The following TP53BP1 variants were observed in gnomAD, a reference collection of about 807,000 sequenced individuals.
TP53BP1 encodes TP53-binding protein 1.
Under a neutral mutation model 200.8 loss-of-function variants are expected in TP53BP1, and 61 were observed. The observed-to-expected ratio is 0.30, with a 90% CI of 0.25 to 0.38. TP53BP1 has a LOEUF of 0.38. TP53BP1 is among the 10% of genes least tolerant of loss of function. The probability of loss-of-function intolerance (pLI) is 1.00; values close to 1 mark genes in which losing one functional copy is unlikely to be tolerated. For missense variants in TP53BP1, 2,144 were observed against 2,371.9 expected (o/e 0.90, Z 2.00); for synonymous variants, 822 against 844.3 (o/e 0.97, Z 0.46).
Position 43,456,235 on chromosome 15 carries a change from T to C in TP53BP1, c.2373A>G (p.Ser791=). The C allele has an allele frequency of 6.2e-7, 1 of 1,614,192 alleles. No individual in the cohort carries two copies. The highest frequency in any genetic ancestry group is 1.1e-5 in the South Asian group (1 of 91,086). The change falls in exon 12 of 28, where the codon TCA becomes TCG. Residue 791 remains serine, a synonymous_variant. Coordinates refer to ENST00000382044, the MANE Select transcript of TP53BP1 (RefSeq NM_001141980.3). ...CTATTTCTGGAGCAATATCCTCCCA[T>C]GACTGGGAATCTGAGCACTTCTCCA... ...EGVEKCSDSQ[S]WEDIAPEIEP... is the part of the protein sequence containing the mutation.
Position 43,407,134 on chromosome 15 carries a change from G to A in TP53BP1, c.*249C>T, listed in dbSNP as rs1566909558. 2.3e-6 allele frequency: 1 copy of A among 433,972 alleles called. No homozygotes were observed. Among genetic ancestry groups the A allele is most frequent in the Non-Finnish European group, 4.2e-6 (1 of 239,320 alleles). The allele number at this position is 433,972 out of a possible 1,614,324, so 26.9% of individuals were successfully genotyped here. A position where few individuals can be genotyped will look rare whatever the true frequency, so the allele number is the denominator to read the frequency against. ...CTGTCCTCCGTAAGTGAATAAGCCT[G>A]TTGAAAGACTCAGAGAAAGTACTAT... On this transcript the variant is annotated 3_prime_UTR_variant, in exon 28 of 28. Transcript: ENST00000382044.
intron 4 of TP53BP1, among the ~76,000 whole-genome samples, chr15:43,485,810 C>T (rs369005969): frequency 1.2e-4 from 18 of 151,760 alleles, no homozygotes; most frequent in African/African-American, 2.4e-4. Context: ...GGTGCCACTG[C>T]GCTCCAGCCT....
chr15:43,477,540 G>C, intron 8 of TP53BP1, 53 bp downstream of exon 8: 1 of 1,495,910 alleles, frequency 6.7e-7, no homozygotes, highest in Non-Finnish European at 8.9e-7. Flanking sequence ...CAGAACTAAA[G>C]TAAAAGTTTA....
At chr15:43,416,582 C>T (rs1011802179) in intron 21 of TP53BP1, 166 bp from the exon 22 acceptor site, 6 of 580,666 alleles carry the variant, frequency 1.0e-5, no homozygotes, top group African/African-American at 5.6e-5. Context: ...AACAGTAACA[C>T]TTAGGATATA....
intron 1 of TP53BP1, among the ~76,000 whole-genome samples, chr15:43,506,823 G>C (rs919001580): frequency 1.3e-5 from 2 of 152,172 alleles, no homozygotes; most frequent in African/African-American, 4.8e-5. Flanking sequence ...TCTGGAGACA[G>C]GGAGCCTTCA....
chr15:43,409,737 A>C lies in TP53BP1; in HGVS notation c.5310T>G (p.Phe1770Leu). 6.6e-7 allele frequency: 1 copy of C among 1,510,104 alleles called. No homozygotes were observed. Among genetic ancestry groups the C allele is most frequent in the Non-Finnish European group, 8.9e-7 (1 of 1,117,638 alleles). The allele number at this position is 1,510,104 out of a possible 1,614,324, so 93.5% of individuals were successfully genotyped here. A position where few individuals can be genotyped will look rare whatever the true frequency, so the allele number is the denominator to read the frequency against. Residue 1770 changes from phenylalanine (F) to leucine (L), a missense_variant, in exon 25 of 28, where the codon TTT becomes TTG. Around this residue, in one of 4 missense-constraint regions of TP53BP1, gnomAD observed 334 missense variants for 453.4 expected, o/e 0.74. Transcript: ENST00000382044. The part of the protein sequence containing the change: ...PTGSSEEEEE[F>L]LEIPPFNKQY... Reference sequence around the variant, plus strand: ...GCTTGTTGAAAGGAGGAATTTCCAAAAATTCTATATTAAAAAAAAAAACCA... The same window carrying C: ...GCTTGTTGAAAGGAGGAATTTCCAACAATTCTATATTAAAAAAAAAAACCA...
At position 43,404,444 on chromosome 15, in the gene TP53BP1, A is replaced by G. The variant is rs1206587009; in HGVS notation, c.*2939T>C. ...AGCCGCCAGTCTTCACTCCTGTTCA[A>G]GATTCTCTCCAGTGTTCGGAATCAT... On this transcript the variant is annotated 3_prime_UTR_variant, in exon 28 of 28. Coordinates refer to ENST00000382044, the MANE Select transcript of TP53BP1 (RefSeq NM_001141980.3). The G allele has an allele frequency of 6.2e-7, 1 of 1,614,174 alleles. No individual in the cohort carries two copies. Among genetic ancestry groups the G allele is most frequent in the Non-Finnish European group, 8.5e-7 (1 of 1,180,028 alleles).
intron 14 of TP53BP1, 99 bp from the exon 15 acceptor site, chr15:43,441,682 A>C (rs905399663): frequency 2.7e-6 from 2 of 734,940 alleles, no homozygotes. Context: ...ATTTGCAAAA[A>C]ATAACAAAAA....
chr15:43,452,600 T>C (rs2046196966), intron 12 of TP53BP1, among the ~76,000 whole-genome samples: 2 of 150,146 alleles, frequency 1.3e-5, no homozygotes, highest in African/African-American at 2.5e-5. Flanking sequence ...GCTATTATTC[T>C]CCCTTCATGT....
intron 24 of TP53BP1, among the ~76,000 whole-genome samples, chr15:43,411,973 A>T (rs1246567691): frequency 1.3e-5 from 2 of 152,062 alleles, no homozygotes; most frequent in Non-Finnish European, 2.9e-5. Context: ...GCCATGACAC[A>T]CCTCTATGCA....
intron 12 of TP53BP1, among the ~76,000 whole-genome samples, chr15:43,449,210 A>T (rs987755398): frequency 6.6e-6 from 1 of 152,226 alleles, no homozygotes; most frequent in Admixed American, 6.5e-5. Context: ...ACTGACAGAC[A>T]TCCACCATAG....
In TP53BP1 at chr15:43,405,503, T is replaced by C. The variant is rs2044838726; in HGVS notation, c.*1880A>G. 6.1e-6 allele frequency: 3 copies of C among 491,662 alleles called. No homozygotes were observed. Among genetic ancestry groups the C allele is most frequent in the Non-Finnish European group, 1.1e-5 (3 of 273,788 alleles). The allele number at this position is 491,662 out of a possible 1,614,324, so 30.5% of individuals were successfully genotyped here. A position where few individuals can be genotyped will look rare whatever the true frequency, so the allele number is the denominator to read the frequency against. Reference sequence around the variant, plus strand: ...ATTCAATAGTCATTTATTGAGCACCTACTACGTACCTTGGTACTGTTCAAG... The same window carrying C: ...ATTCAATAGTCATTTATTGAGCACCCACTACGTACCTTGGTACTGTTCAAG... On this transcript the variant is annotated 3_prime_UTR_variant, in exon 28 of 28. Transcript: ENST00000382044.
chr15:43,416,147 C>T, intron 22 of TP53BP1, 78 bp downstream of exon 22: 1 of 1,322,296 alleles, frequency 7.6e-7, no homozygotes, highest in Non-Finnish European at 1.0e-6. Flanking sequence ...GGAAACATTA[C>T]TGACAGGTCC....
At chr15:43,435,691 TA>T (rs954995297) in intron 16 of TP53BP1, among the ~76,000 whole-genome samples, 24 of 147,528 alleles carry the variant, frequency 1.6e-4, no homozygotes, top group African/African-American at 4.9e-4. Flanking sequence ...TGCTACCTAT[TA>T]ATTTTTTTTT....
intron 17 of TP53BP1, among the ~76,000 whole-genome samples, chr15:43,429,835 T>C (rs2142997015): frequency 6.6e-6 from 1 of 152,292 alleles, no homozygotes; most frequent in Non-Finnish European, 1.5e-5. Context: ...ATGAGAACTA[T>C]GACAGCCTGT....
At chr15:43,461,674 T>G (rs1595586061) in intron 11 of TP53BP1, among the ~76,000 whole-genome samples, 1 of 90,930 alleles carries the variant, frequency 1.1e-5, no homozygotes, top group African/African-American at 4.0e-5. Flanking sequence ...ATACATTATA[T>G]TTTTTTTTTT....
rs772688467 is a variant in TP53BP1 at position 43,403,662 on chromosome 15, C to T, written c.*3721G>A. ...ATGTACCTTCCTTCCTTTCCTAATG[C>T]CAACTCTGTTTCCCGGGTAGGTGTT... On this transcript the variant is annotated 3_prime_UTR_variant, in exon 28 of 28. Coordinates refer to ENST00000382044, the MANE Select transcript of TP53BP1 (RefSeq NM_001141980.3). 2.6e-6 allele frequency: 4 copies of T among 1,566,002 alleles called. No homozygotes were observed. The African/African-American group carries it at 4.1e-5, about 16-fold the overall frequency.
At chr15:43,479,304 C>A in intron 7 of TP53BP1, 93 bp downstream of exon 7, 1 of 1,326,622 alleles carries the variant, frequency 7.5e-7, no homozygotes, top group Admixed American at 2.6e-5. Flanking sequence ...ATTTAAAAAT[C>A]AACAATTTCT....
In TP53BP1 at chr15:43,441,541, G is replaced by A. The variant is rs1595559159; in HGVS notation, c.3083C>T (p.Ala1028Val). The A allele has an allele frequency of 6.2e-7, 1 of 1,612,920 alleles. No homozygotes were observed. Among genetic ancestry groups the A allele is most frequent in the Non-Finnish European group, 8.5e-7 (1 of 1,179,038 alleles). The change falls in exon 15 of 28, where the codon GCT (alanine) becomes GTT (valine). Residue 1028 changes from alanine to valine, a missense_variant. Physicochemically the swap from Ala to Val is moderately conservative, Grantham distance 64 (BLOSUM62 0). Coordinates refer to ENST00000382044, the MANE Select transcript of TP53BP1 (RefSeq NM_001141980.3). Reference protein sequence around the residue: ...GERKNGSTAVAESVASPQKTM... With the variant: ...GERKNGSTAVVESVASPQKTM... The stretch of plus-strand genomic sequence containing the variant: ...CTTTGGTTACCTGGCAACAGACTCA[G>A]CAACAGCAGTAGATCCATTTTTTCT...
Sources: gnomAD v4.1 joint callset for allele counts (sites outside exome capture counted in the v4.1 genomes callset) on GRCh38, gnomAD v4.1.1 for gene constraint, gnomAD v4.1.1 regional missense constraint, MANE v1.5 for transcripts, NCBI Gene and HGNC (gene_info 2026-07-23, HGNC 2026-07-21) for gene names.